GORASP1: variants seen among roughly 807,000 people sequenced by gnomAD.
The protein encoded by GORASP1 is golgi reassembly stacking protein 1.
Under a neutral mutation model 37.7 loss-of-function variants are expected in GORASP1, and 31 were observed. The ratio of observed to expected loss-of-function variants is 0.82; its 90% CI spans 0.62 to 1.11. The LOEUF (loss-of-function observed/expected upper bound fraction) is 1.11, where lower values mean the gene tolerates loss of function less well. Ranked by LOEUF, GORASP1 falls within the 50% of genes least tolerant of loss-of-function variation. The pLI is 0.00. For synonymous variants in GORASP1, 204 were observed against 224.8 expected (o/e 0.91, Z 0.83); for missense variants, 476 against 560.7 (o/e 0.85, Z 1.53).
chr3:39,102,694 T>TG lies in GORASP1; in HGVS notation c.331dup (p.Gln111ProfsTer47). Reference sequence around the variant, plus strand: ...CACACTCACCAGCACATGCCACACCTGCTCACTGGCCCTGCGGAAGCTGCA... The same window carrying TG: ...CACACTCACCAGCACATGCCACACCTGGCTCACTGGCCCTGCGGAAGCTGCA... On this transcript the variant is annotated frameshift_variant, in exon 3 of 9. Coordinates refer to ENST00000319283, the MANE Select transcript of GORASP1 (RefSeq NM_031899.4). LOFTEE classifies it high-confidence loss of function. The surrounding 1 kb of genome is among the most constrained non-coding windows in gnomAD (Gnocchi z 5.0). 1 of 1,614,058 alleles carries TG rather than the reference T, an allele frequency of 6.2e-7. No individual in the cohort carries two copies. The highest frequency in any genetic ancestry group is 2.2e-5 in the East Asian group (1 of 44,872).
At chr3:39,107,304 C>T (rs1429950423) in intron 1 of GORASP1, 175 bp downstream of exon 1, 1 of 458,386 alleles carries the variant, frequency 2.2e-6, no homozygotes, top group Non-Finnish European at 3.8e-6. Context: ...CCGGGAGTCC[C>T]GCGAGGCCGC....
At position 39,099,458 on chromosome 3, in the gene GORASP1, C is replaced by T. The variant is rs372820247; in HGVS notation, c.811G>A (p.Gly271Arg). Residue 271 changes from glycine (G) to arginine (R), a missense_variant, in exon 7 of 9, where the codon GGG becomes AGG. Coordinates refer to ENST00000319283, the MANE Select transcript of GORASP1 (RefSeq NM_031899.4). ...PGSSMEDPLP[G>R]PGSPSHSAPD... ...GCACTGTGGCTGGGACTCCCAGGCC[C>T]AGGAAGGGGATCCTCCATGGAGGAG... 3.1e-6 allele frequency: 5 copies of T among 1,611,216 alleles called. No homozygotes were observed. The African/African-American group carries it at 4.0e-5, about 13-fold the overall frequency.
intron 1 of GORASP1, chr3:39,106,869 A>G (rs1575472419): frequency 3.5e-6 from 1 of 283,338 alleles, no homozygotes; most frequent in South Asian, 2.6e-5. Flanking sequence ...AAAGGCTGGG[A>G]CCCTCCCCAG....
In GORASP1 at chr3:39,099,240, C is replaced by T. The variant is rs1210975609; in HGVS notation, c.916+113G>A. On this transcript the variant is annotated intron_variant, in intron 7 of 8. Transcript: ENST00000319283. ...TGGATGATATGCAACTATTAAATATCTTGGTATACATGAGATATGAGGGGT... is the reference window on the plus strand; with the variant it reads ...TGGATGATATGCAACTATTAAATATTTTGGTATACATGAGATATGAGGGGT... 4.2e-6 allele frequency: 5 copies of T among 1,178,526 alleles called. No homozygotes were observed. The South Asian group carries it at 5.0e-5, about 12-fold the overall frequency. 73.0% of individuals were successfully genotyped at this position (1,178,526 alleles called of 1,614,324 possible).
chr3:39,100,967 C>G lies in GORASP1; in HGVS notation c.435+49G>C. On this transcript the variant is annotated intron_variant, in intron 4 of 8. Coordinates refer to ENST00000319283, the MANE Select transcript of GORASP1 (RefSeq NM_031899.4). The surrounding 1 kb of genome is among the most constrained non-coding windows in gnomAD (Gnocchi z 4.6). ...TTCTCATGGACAGCACCCTTCTCTTCACACCACATCCAGAGGGTCTGGGGA... is the reference window on the plus strand; with the variant it reads ...TTCTCATGGACAGCACCCTTCTCTTGACACCACATCCAGAGGGTCTGGGGA... 2 of 1,613,700 alleles carry G rather than the reference C, an allele frequency of 1.2e-6. No homozygotes were observed. The highest frequency in any genetic ancestry group is 2.7e-5 in the African/African-American group (2 of 75,066).
chr3:39,101,155 GA>G (rs2035684172), intron 3 of GORASP1, 53 bp from the exon 4 acceptor site: 1 of 1,527,492 alleles, frequency 6.5e-7, no homozygotes, highest in Admixed American at 1.7e-5. Context: ...GGGGTTGGGG[GA>G]TGGGAAAGGG....
At position 39,097,503 on chromosome 3, in the gene GORASP1, G is replaced by A. The variant is rs2035412729; in HGVS notation, c.*733C>T. On this transcript the variant is annotated 3_prime_UTR_variant, in exon 9 of 9. Transcript: ENST00000319283. ...TCAGGTAGACTGGCTTTGAGAAATT[G>A]CTTAGGGTGTTGAACTTAAATTTGT... 6.6e-6 allele frequency: 1 copy of A among 152,320 alleles called. No individual in the cohort carries two copies. The highest frequency in any genetic ancestry group is 6.5e-5 in the Admixed American group (1 of 15,294). 9.4% of individuals were successfully genotyped at this position (152,320 alleles called of 1,614,324 possible).
In GORASP1 at chr3:39,103,861, G is replaced by A. The variant is rs956230776; in HGVS notation, c.64-308C>T. On this transcript the variant is annotated intron_variant, in intron 1 of 8. Coordinates refer to ENST00000319283, the MANE Select transcript of GORASP1 (RefSeq NM_031899.4). The surrounding 1 kb of genome is among the most constrained non-coding windows in gnomAD (Gnocchi z 5.2). ...TATGGAGACAGGCTGGCCCAGGCCT[G>A]TGGGAATGCTGCTCTAGAGGGCTAG... The A allele has an allele frequency of 3.2e-5, 10 of 308,864 alleles. No homozygotes were observed. The highest frequency in any genetic ancestry group is 4.8e-5 in the Non-Finnish European group (8 of 167,332). The allele number at this position is 308,864 out of a possible 1,614,324, so 19.1% of individuals were successfully genotyped here.
In GORASP1 at chr3:39,107,555, C is replaced by G. The variant is rs1030829005; in HGVS notation, c.-14G>C. The stretch of plus-strand genomic sequence containing the variant: ...GCCCAGGCCCATGGCAGCGGCTCCG[C>G]TCGGCACCCAGGTCCAGTCCCGCTG... On this transcript the variant is annotated 5_prime_UTR_variant, in exon 1 of 9. Coordinates refer to ENST00000319283, the MANE Select transcript of GORASP1 (RefSeq NM_031899.4). The G allele has an allele frequency of 2.2e-5, 33 of 1,489,782 alleles. No individual in the cohort carries two copies. Among genetic ancestry groups the G allele is most frequent in the Non-Finnish European group, 2.8e-5 (32 of 1,130,516 alleles). 92.3% of individuals were successfully genotyped at this position (1,489,782 alleles called of 1,614,324 possible). A position where few individuals can be genotyped will look rare whatever the true frequency, so the allele number is the denominator to read the frequency against.
At position 39,098,259 on chromosome 3, in the gene GORASP1, C is replaced by T. The variant is rs533911698; in HGVS notation, c.1300G>A (p.Ala434Thr). ...TGTTATTCTGTGGTAGAGATCTGGG[C>T]CTGGCTGTCCAGCCCCTCAGCCTCC... ...GTEAEGLDSQAQISTTE is the reference protein window; with the variant it reads ...GTEAEGLDSQTQISTTE Residue 434 changes from alanine to threonine, a missense_variant, in exon 9 of 9, where the codon GCC becomes ACC. Coordinates refer to ENST00000319283, the MANE Select transcript of GORASP1 (RefSeq NM_031899.4). This position sits in a 1 kb window ranked among gnomAD's most constrained non-coding sequence, Gnocchi z 4.7. 8 of 1,614,138 alleles carry T rather than the reference C, an allele frequency of 5.0e-6. No homozygotes were observed. In the South Asian group the frequency reaches 6.6e-5, roughly 13 times the overall value.
intron 1 of GORASP1, among the ~76,000 whole-genome samples, chr3:39,104,473 C>A (rs747443335): frequency 2.6e-5 from 4 of 152,220 alleles, no homozygotes; most frequent in Admixed American, 6.5e-5. Flanking sequence ...TGGGCCCACA[C>A]CCTCAGGTCT....
intron 1 of GORASP1, among the ~76,000 whole-genome samples, chr3:39,106,232 A>G (rs534629203): frequency 6.6e-6 from 1 of 152,188 alleles, no homozygotes; most frequent in Non-Finnish European, 1.5e-5. Flanking sequence ...GTAGGAGCTC[A>G]AAACTTTGTT....
In GORASP1 at chr3:39,100,346, G is replaced by C. The variant is rs778200062; in HGVS notation, c.724C>G (p.Pro242Ala). The C allele has an allele frequency of 6.2e-7, 1 of 1,614,202 alleles. No individual in the cohort carries two copies. The highest frequency in any genetic ancestry group is 2.2e-5 in the East Asian group (1 of 44,886). The change falls in exon 6 of 9, where the codon CCT becomes GCT. Residue 242 changes from proline (P) to alanine (A), a missense_variant. Coordinates refer to ENST00000319283, the MANE Select transcript of GORASP1 (RefSeq NM_031899.4). This position sits in a 1 kb window ranked among gnomAD's most constrained non-coding sequence, Gnocchi z 4.6. ...LPPGPTPEDS[P>A]SLETGSRQSD... ...TGCCTGGAACCTGTCTCCAGGGAAGGAGAGTCCTCGGGGGTGGGTCCAGGT... is the reference window on the plus strand; with the variant it reads ...TGCCTGGAACCTGTCTCCAGGGAAGCAGAGTCCTCGGGGGTGGGTCCAGGT...
intron 1 of GORASP1, chr3:39,106,888 G>GA (rs2036173310): frequency 3.5e-6 from 1 of 289,272 alleles, no homozygotes; most frequent in Admixed American, 4.4e-5. Context: ...AGCTGCAAAC[G>GA]CTCTCCTCGA....
At chr3:39,107,444 T>C in intron 1 of GORASP1, 35 bp downstream of exon 1, 1 of 1,287,310 alleles carries the variant, frequency 7.8e-7, no homozygotes, top group Non-Finnish European at 9.8e-7. Flanking sequence ...TGCGGGCGCC[T>C]CGCCAAGGTC....
chr3:39,099,495 CA>C lies in GORASP1; in HGVS notation c.773del (p.Leu258ArgfsTer76), dbSNP rs750530555. On this transcript the variant is annotated frameshift_variant, in exon 7 of 9. Transcript: ENST00000319283. LOFTEE classifies it high-confidence loss of function. ...CCTCCATGGAGGAGCCAGGTGCCTG[CA>C]GCAGGGCCTAGGAAAGAAGAAGAAA... is the stretch of plus-strand genomic sequence containing the variant. ...SRQSDYMEAL[L>X]QAPGSSMEDP... The C allele has an allele frequency of 1.2e-6, 2 of 1,609,906 alleles. No individual in the cohort carries two copies. Among genetic ancestry groups the C allele is most frequent in the Admixed American group, 3.4e-5 (2 of 59,274 alleles).
rs1180094876 is a variant in GORASP1, at chr3:39,105,034, T to C, written c.64-1481A>G. Among the ~76,000 whole-genome samples the C allele has an allele frequency of 6.6e-6, 1 of 152,150 alleles. No individual in the cohort carries two copies. The highest frequency in any genetic ancestry group is 1.5e-5 in the Non-Finnish European group (1 of 68,026). On this transcript the variant is annotated intron_variant, in intron 1 of 8. Transcript: ENST00000319283. This position sits in a 1 kb window ranked among gnomAD's most constrained non-coding sequence, Gnocchi z 5.4. The stretch of plus-strand genomic sequence containing the variant: ...TCCCTCCCCACTCCCCAGTATTGCA[T>C]GTCAGCTGCTCTCCATCATGAATGA...
Position 39,096,852 on chromosome 3 carries a change from G to A in GORASP1, c.*1384C>T, listed in dbSNP as rs766535080. 5 of 152,194 alleles carry A rather than the reference G, an allele frequency of 3.3e-5. No individual in the cohort carries two copies. The highest frequency in any genetic ancestry group is 4.8e-5 in the African/African-American group (2 of 41,434). The allele number at this position is 152,194 out of a possible 1,614,324, so 9.4% of individuals were successfully genotyped here. A position where few individuals can be genotyped will look rare whatever the true frequency, so the allele number is the denominator to read the frequency against. On this transcript the variant is annotated 3_prime_UTR_variant, in exon 9 of 9. Transcript: ENST00000319283. ...GGGAAGAGCCAGAACCTTTGGGTGA[G>A]GGCAACTTTGGGTCAGACTGCCAGG...
chr3:39,099,289 G>C (rs765928190), intron 7 of GORASP1, 64 bp downstream of exon 7: 2 of 1,594,008 alleles, frequency 1.3e-6, no homozygotes, highest in Non-Finnish European at 1.7e-6. Context: ...GGAAAGTTTT[G>C]ACATAGCTGC....
Sources: gnomAD v4.1 joint callset for allele counts (sites outside exome capture counted in the v4.1 genomes callset) on GRCh38, gnomAD v4.1.1 for gene constraint, Gnocchi (gnomAD v3.1) non-coding constraint, MANE v1.5 for transcripts, NCBI Gene and HGNC (gene_info 2026-07-23, HGNC 2026-07-21) for gene names.